Variants in PTPRM observed in about 807,000 individuals in gnomAD.
PTPRM encodes the protein receptor-type tyrosine-protein phosphatase mu.
A neutral mutation model predicts 186.7 loss-of-function variants in PTPRM; 47 were observed. The observed-to-expected ratio is 0.25, with a 90% CI of 0.20 to 0.32. The LOEUF (loss-of-function observed/expected upper bound fraction) is 0.32. Ranked by LOEUF, PTPRM falls within the 10% of genes least tolerant of loss-of-function variation. PTPRM has a pLI of 1.00. For synonymous variants in PTPRM, 668 were observed against 674.9 expected, an observed-to-expected ratio of 0.99 and a Z score of 0.16; for missense variants, 1,494 against 1,865.0, an observed-to-expected ratio of 0.80 and a Z score of 3.66.
At chr18:7,624,148 C>T (rs2038004401) in intron 1 of PTPRM, among the ~76,000 whole-genome samples, 1 of 152,138 alleles carries the variant, frequency 6.6e-6, no homozygotes, top group South Asian at 2.1e-4. Context: ...AAGTGATTTG[C>T]CTGAGGCCAT....
chr18:7,657,305 G>A (rs879928471), intron 1 of PTPRM, among the ~76,000 whole-genome samples: 12 of 152,162 alleles, frequency 7.9e-5, no homozygotes, highest in Admixed American at 5.2e-4. Flanking sequence ...TGCTGTTGCC[G>A]TGGGCAGTCC....
Position 8,396,284 on chromosome 18 carries a change from T to C in PTPRM, c.4344+1673T>C, listed in dbSNP as rs144384499. ...AAATGAAATATTCTGCCTGTGGCTTTGTGAGGTGGTTAACCTCACTAATTC... is the reference window on the plus strand; with the variant it reads ...AAATGAAATATTCTGCCTGTGGCTTCGTGAGGTGGTTAACCTCACTAATTC... On this transcript the variant is annotated intron_variant, in intron 32 of 32. Transcript: ENST00000580170. Among the ~76,000 whole-genome samples, 1,172 of 152,358 alleles carry C rather than the reference T, an allele frequency of 7.7e-3. 19 individuals are homozygous for C. Among genetic ancestry groups the C allele is most frequent in the African/African-American group, 0.027 (1,121 of 41,570 alleles).
At chr18:7,915,438 G>T (rs1235376064) in intron 4 of PTPRM, among the ~76,000 whole-genome samples, 2 of 152,014 alleles carry the variant, frequency 1.3e-5, no homozygotes, top group African/African-American at 4.8e-5. Context: ...AATTAAAGTA[G>T]TATGGCAAGA....
Position 7,920,811 on chromosome 18 carries a change from T to C in PTPRM, c.548-5757T>C, listed in dbSNP as rs553457729. On this transcript the variant is annotated intron_variant, in intron 4 of 32. Coordinates refer to ENST00000580170, the MANE Select transcript of PTPRM (RefSeq NM_001105244.2). ...AATAGTGATGAATTTTCTCAACTTT[T>C]GTTTGTCTGGGAAAGACTTTATCTG... Among the ~76,000 whole-genome samples, 5 of 152,324 alleles carry C rather than the reference T, an allele frequency of 3.3e-5. No individual in the cohort carries two copies. In the South Asian group the frequency reaches 1.0e-3, roughly 32 times the overall value.
chr18:7,847,302 G>A (rs1176538469), intron 2 of PTPRM, among the ~76,000 whole-genome samples: 2 of 151,616 alleles, frequency 1.3e-5, no homozygotes, highest in African/African-American at 2.4e-5. Flanking sequence ...GCGTAGCCGT[G>A]ACTACAGGCA....
At chr18:8,406,076 C>G (rs778325386) in intron 32 of PTPRM, 33 bp from the exon 33 acceptor site, 20 of 1,606,500 alleles carry the variant, frequency 1.2e-5, no homozygotes, top group Non-Finnish European at 1.4e-5. Context: ...TTGAGATATT[C>G]TTGAGCTGAC....
chr18:8,259,272 C>T (rs1027566670), intron 19 of PTPRM, among the ~76,000 whole-genome samples: 1 of 152,056 alleles, frequency 6.6e-6, no homozygotes, highest in South Asian at 2.1e-4. Flanking sequence ...TTATATTATG[C>T]CTCTCTCCTG....
At chr18:7,779,096 A>G (rs1007278926) in intron 2 of PTPRM, among the ~76,000 whole-genome samples, 52 of 152,354 alleles carry the variant, frequency 3.4e-4, no homozygotes, top group African/African-American at 1.2e-3. Flanking sequence ...AAATTCATCT[A>G]CAATATTAAA....
At chr18:8,130,523 C>A (rs146262621) in intron 13 of PTPRM, among the ~76,000 whole-genome samples, 1 of 152,128 alleles carries the variant, frequency 6.6e-6, no homozygotes, top group Non-Finnish European at 1.5e-5. Flanking sequence ...AAAGAAAGAT[C>A]GACAGTCTTA....
At chr18:7,700,949 C>G (rs956928844) in intron 1 of PTPRM, among the ~76,000 whole-genome samples, 1 of 134,468 alleles carries the variant, frequency 7.4e-6, no homozygotes, top group African/African-American at 2.9e-5. Context: ...TGCACTCCAG[C>G]CTGGCAACAG....
chr18:8,076,624 G>T, intron 9 of PTPRM, 60 bp downstream of exon 9: 1 of 848,326 alleles, frequency 1.2e-6, no homozygotes, highest in South Asian at 1.7e-5. Context: ...TGATAATGTA[G>T]GCTATCTAGT....
chr18:7,906,518 T>G lies in PTPRM; in HGVS notation c.482T>G (p.Val161Gly). Reference protein sequence around the residue: ...WPNFYQVIFEVITSGHQGYLA... With the variant: ...WPNFYQVIFEGITSGHQGYLA... The stretch of plus-strand genomic sequence containing the variant: ...TTAATTTTCCAGGTGATTTTTGAAG[T>G]GATAACTTCTGGACATCAAGGCTAT... The change falls in exon 4 of 33, where the codon GTG (valine) becomes GGG (glycine). Residue 161 changes from valine to glycine, a missense_variant. Transcript: ENST00000580170. 1 of 1,612,504 alleles carries G rather than the reference T, an allele frequency of 6.2e-7. No homozygotes were observed. Among genetic ancestry groups the G allele is most frequent in the Non-Finnish European group, 8.5e-7 (1 of 1,178,484 alleles).
At chr18:7,804,180 C>T (rs959072196) in intron 2 of PTPRM, among the ~76,000 whole-genome samples, 7 of 152,104 alleles carry the variant, frequency 4.6e-5, no homozygotes, top group Non-Finnish European at 1.0e-4. Context: ...TGGACTCTTC[C>T]CTTGTGGAGC....
At chr18:8,248,037 C>A in intron 16 of PTPRM, 113 bp from the exon 17 acceptor site, 2 of 1,349,858 alleles carry the variant, frequency 1.5e-6, no homozygotes, top group Non-Finnish European at 2.1e-6. Flanking sequence ...TGTTGTAACC[C>A]AATGCGTTTC....
intron 2 of PTPRM, among the ~76,000 whole-genome samples, chr18:7,836,303 T>A (rs754853934): frequency 6.6e-6 from 1 of 152,194 alleles, no homozygotes; most frequent in Admixed American, 6.5e-5. Context: ...TTGCAAATAC[T>A]ATTGTATAAC....
rs750299420 is a variant in PTPRM, at chr18:8,384,548, G to A, written c.3919-13G>A. The A allele has an allele frequency of 6.2e-7, 1 of 1,613,954 alleles. No individual in the cohort carries two copies. The highest frequency in any genetic ancestry group is 8.5e-7 in the Non-Finnish European group (1 of 1,179,894). On this transcript the variant is annotated splice_polypyrimidine_tract_variant and intron_variant, in intron 29 of 32. Coordinates refer to ENST00000580170, the MANE Select transcript of PTPRM (RefSeq NM_001105244.2). ...CTTATAACTAACCTTGTGTTTATAT[G>A]TTTTGAATTCAGTTGTGTCCACAGT...
At chr18:7,930,281 G>T (rs2051408026) in intron 5 of PTPRM, among the ~76,000 whole-genome samples, 1 of 152,042 alleles carries the variant, frequency 6.6e-6, no homozygotes, top group Non-Finnish European at 1.5e-5. Flanking sequence ...TGTTGCCTAG[G>T]CTGGTCTCAA....
intron 7 of PTPRM, among the ~76,000 whole-genome samples, chr18:7,971,157 A>T (rs1215674742): frequency 1.6e-5 from 1 of 60,942 alleles, no homozygotes; most frequent in African/African-American, 8.2e-5. Flanking sequence ...ATAACGCCGC[A>T]TACCTACAAC....
chr18:7,812,884 G>T (rs1446079), intron 2 of PTPRM, among the ~76,000 whole-genome samples: 2 of 152,194 alleles, frequency 1.3e-5, no homozygotes, highest in Non-Finnish European at 1.5e-5. Context: ...CAGCAGTGGC[G>T]CAGAGGTGCT....
Sources: gnomAD v4.1 joint callset for allele counts (sites outside exome capture counted in the v4.1 genomes callset) on GRCh38, gnomAD v4.1.1 for gene constraint, MANE v1.5 for transcripts, NCBI Gene and HGNC (gene_info 2026-07-23, HGNC 2026-07-21) for gene names.